FRYL: variants seen among roughly 807,000 people sequenced by gnomAD.
FRYL encodes FRY like transcription coactivator, also known as protein furry homolog-like.
A neutral mutation model predicts 351.2 loss-of-function variants in FRYL; 150 were observed. That is an observed-to-expected ratio of 0.43 (90% confidence interval 0.37 to 0.49). The LOEUF (loss-of-function observed/expected upper bound fraction) is 0.49. FRYL is among the 20% of genes least tolerant of loss of function. The pLI is 0.00. For missense variants in FRYL, 3,036 were observed against 3,619.3 expected (o/e 0.84, Z 4.13); for synonymous variants, 1,153 against 1,257.1 (o/e 0.92, Z 1.75).
At chr4:48,612,122 T>C (rs1226486102) in intron 7 of FRYL, among the ~76,000 whole-genome samples, 2 of 152,176 alleles carry the variant, frequency 1.3e-5, no homozygotes, top group African/African-American at 4.8e-5. Flanking sequence ...ATATTTACCT[T>C]CCCACAATTT....
chr4:48,752,766 T>C (rs1436385473), intron 1 of FRYL, among the ~76,000 whole-genome samples: 4 of 152,248 alleles, frequency 2.6e-5, no homozygotes, highest in African/African-American at 9.6e-5. Flanking sequence ...TCACAACTTT[T>C]CTGTAAGTTT....
At chr4:48,639,452 C>CA (rs931008249) in intron 3 of FRYL, among the ~76,000 whole-genome samples, 19 of 148,444 alleles carry the variant, frequency 1.3e-4, no homozygotes, top group African/African-American at 3.7e-4. Context: ...GACCTTGCCA[C>CA]AAATAGTACT....
intron 1 of FRYL, among the ~76,000 whole-genome samples, chr4:48,779,398 G>C (rs533179562): frequency 6.6e-6 from 1 of 152,290 alleles, no homozygotes; most frequent in South Asian, 2.1e-4. Context: ...GTACGCCAAC[G>C]GCCCGGGGCT....
Position 48,540,681 on chromosome 4 carries a change from G to A in FRYL, c.5967C>T (p.Asp1989=), listed in dbSNP as rs771171708. 1.4e-5 allele frequency: 22 copies of A among 1,613,774 alleles called. No individual in the cohort carries two copies. The highest frequency in any genetic ancestry group is 2.2e-5 in the East Asian group (1 of 44,886). The change falls in exon 46 of 64, where the codon GAC becomes GAT. Residue 1989 remains aspartate, a synonymous_variant. Coordinates refer to ENST00000358350, the MANE Select transcript of FRYL (RefSeq NM_015030.2). ...LSSLREKGMY[D]VQSTTEPTNL... ...TGGTAGGCTCAGTAGTGGACTGCAC[G>A]TCATACATTCCTTTCTCTCTTAGAG... is the stretch of plus-strand genomic sequence containing the variant.
intron 54 of FRYL, among the ~76,000 whole-genome samples, chr4:48,521,564 T>C (rs79754114): frequency 0.014 from 2,141 of 152,354 alleles, 31 homozygotes; most frequent in Non-Finnish European, 0.022. Flanking sequence ...GTTAAGTGAA[T>C]GGGCACTAGA....
At chr4:48,599,010 G>T in intron 13 of FRYL, 1 of 197,876 alleles carries the variant, frequency 5.1e-6, no homozygotes, top group Non-Finnish European at 9.1e-6. Context: ...CAAGACAGTG[G>T]CCAGAAACAC....
chr4:48,678,106 G>T (rs1361401016), intron 3 of FRYL, among the ~76,000 whole-genome samples: 1 of 152,106 alleles, frequency 6.6e-6, no homozygotes, highest in Non-Finnish European at 1.5e-5. Flanking sequence ...TCAAGAGAAG[G>T]TATTGGCCGG....
chr4:48,522,732 A>G (rs1368025315), intron 54 of FRYL, among the ~76,000 whole-genome samples, 169 bp downstream of exon 54: 1 of 152,166 alleles, frequency 6.6e-6, no homozygotes, highest in Non-Finnish European at 1.5e-5. Flanking sequence ...TCAACCTAAT[A>G]AGTTTAGTGC....
chr4:48,773,338 C>A (rs1319246323), intron 1 of FRYL, among the ~76,000 whole-genome samples: 1 of 152,130 alleles, frequency 6.6e-6, no homozygotes, highest in East Asian at 1.9e-4. Flanking sequence ...AAGAGTAATG[C>A]AAATCCATCA....
rs557956353 is a variant in FRYL at position 48,505,535 on chromosome 4, C to T, written c.8463+12G>A. 1.3e-6 allele frequency: 2 copies of T among 1,569,858 alleles called. No homozygotes were observed. The highest frequency in any genetic ancestry group is 2.2e-5 in the East Asian group (1 of 44,548). ...AAAATGTATGTTGCAAAAACAGGAACAAGAAACTTACTTGTGCATCTGTGT... is the reference window on the plus strand; with the variant it reads ...AAAATGTATGTTGCAAAAACAGGAATAAGAAACTTACTTGTGCATCTGTGT... On this transcript the variant is annotated intron_variant, in intron 60 of 63. Transcript: ENST00000358350.
intron 20 of FRYL, 26 bp downstream of exon 20, chr4:48,582,454 GCACTGACCACATACAAA>G: frequency 8.4e-7 from 1 of 1,193,154 alleles, no homozygotes. Context: ...TGGTCATTTA[GCACTGACCACATACAAA>G]AGGACAATAG....
chr4:48,776,992 T>A (rs552025309), intron 1 of FRYL, among the ~76,000 whole-genome samples: 4 of 152,282 alleles, frequency 2.6e-5, no homozygotes, highest in East Asian at 3.9e-4. Context: ...TAATTTTGCA[T>A]CTTCTCATTA....
intron 26 of FRYL, among the ~76,000 whole-genome samples, chr4:48,572,550 C>G (rs767855268): frequency 3.9e-5 from 6 of 152,216 alleles, no homozygotes; most frequent in Non-Finnish European, 5.9e-5. Context: ...AATATCAGCA[C>G]TTCATCTATA....
intron 7 of FRYL, among the ~76,000 whole-genome samples, chr4:48,612,198 T>C (rs1172024606): frequency 3.9e-5 from 6 of 152,168 alleles, no homozygotes; most frequent in African/African-American, 9.7e-5. Context: ...TATCACTCTT[T>C]GTTAAAATGG....
chr4:48,619,446 C>A, intron 6 of FRYL, 76 bp from the exon 7 acceptor site: 2 of 726,094 alleles, frequency 2.8e-6, no homozygotes, highest in South Asian at 2.3e-5. Context: ...TAGCTCATGT[C>A]GCTTACTGTT....
chr4:48,598,153 G>GTT (rs1204976734), intron 13 of FRYL, among the ~76,000 whole-genome samples: 1 of 152,098 alleles, frequency 6.6e-6, no homozygotes, highest in Admixed American at 6.6e-5. Context: ...GTCTCAGCTT[G>GTT]AACTCAGGAG....
rs1354682833 is a variant in FRYL, at chr4:48,510,879, T to A, written c.8251A>T (p.Met2751Leu). 1 of 1,613,282 alleles carries A rather than the reference T, an allele frequency of 6.2e-7. No individual in the cohort carries two copies. The highest frequency in any genetic ancestry group is 8.5e-7 in the Non-Finnish European group (1 of 1,179,524). Reference protein sequence around the residue: ...TKFKSSLEVMMLCSECPTVFV... With the variant: ...TKFKSSLEVMLLCSECPTVFV... ...ACTGTTGGGCATTCTGAACACAGCA[T>A]CATCACTTCCAAGGAACTTTTAAAT... The change falls in exon 58 of 64, where the codon ATG (methionine) becomes TTG (leucine). Residue 2751 changes from methionine to leucine, a missense_variant. This residue lies in a region of FRYL where 1,987 missense variants were observed against 2,311.7 expected (regional missense o/e 0.86). Coordinates refer to ENST00000358350, the MANE Select transcript of FRYL (RefSeq NM_015030.2).
At position 48,655,993 on chromosome 4, in the gene FRYL, TATGTATATAATGTAAA is replaced by T. The variant is rs1282731815; in HGVS notation, c.-80-21519_-80-21504del. Among the ~76,000 whole-genome samples, 129 of 138,798 alleles carry T rather than the reference TATGTATATAATGTAAA, an allele frequency of 9.3e-4. 1 individual carries two copies. The highest frequency in any genetic ancestry group is 3.3e-3 in the African/African-American group (128 of 38,674). The allele number at this position is 138,798 out of a possible 152,430, so 91.1% of individuals were successfully genotyped here. On this transcript the variant is annotated intron_variant, in intron 3 of 63. Coordinates refer to ENST00000358350, the MANE Select transcript of FRYL (RefSeq NM_015030.2). ...TGTGCATTATATATAATGTGCAATA[TATGTATATAATGTAAA>T]ATATATAATGTAAAATATAATGTAT... is the stretch of plus-strand genomic sequence containing the variant.
Position 48,595,655 on chromosome 4 carries a change from G to A in FRYL, c.1183C>T (p.Arg395Ter), listed in dbSNP as rs1358154067. 1.9e-6 allele frequency: 3 copies of A among 1,613,338 alleles called. No homozygotes were observed. Among genetic ancestry groups the A allele is most frequent in the South Asian group, 1.1e-5 (1 of 90,988 alleles). ...GGTGTGTCACGAGGAACCACACTTC[G>A]TGAGCCTTTTGGAAAAAGTGCTGAC... The part of the protein sequence containing the change: ...IVSALFPKGS[R>*]SVVPRDTPLN... Residue 395 changes from arginine to a stop codon, truncating the protein, a stop_gained, in exon 15 of 64, where the codon CGA becomes TGA. Coordinates refer to ENST00000358350, the MANE Select transcript of FRYL (RefSeq NM_015030.2). LOFTEE classifies it high-confidence loss of function.
Sources: gnomAD v4.1 joint callset for allele counts (sites outside exome capture counted in the v4.1 genomes callset) on GRCh38, gnomAD v4.1.1 for gene constraint, gnomAD v4.1.1 regional missense constraint, MANE v1.5 for transcripts, NCBI Gene and HGNC (gene_info 2026-07-23, HGNC 2026-07-21) for gene names.